The following TCF12 variants were observed in gnomAD, a reference collection of about 807,000 sequenced individuals.
TCF12 encodes the protein DNA-binding protein HTF4.
TCF12 carries 45 observed loss-of-function variants against 86.0 expected under a neutral mutation model. The ratio of observed to expected loss-of-function variants is 0.52; its 90% CI spans 0.41 to 0.67. TCF12 has a LOEUF of 0.67. TCF12 is among the 30% of genes least tolerant of loss of function. The pLI is 0.00. For synonymous variants in TCF12, 330 were observed against 299.6 expected (o/e 1.10, Z -1.05); for missense variants, 881 against 859.9 (o/e 1.02, Z -0.31).
intron 4 of TCF12, among the ~76,000 whole-genome samples, chr15:57,067,694 A>G (rs1328519588): frequency 6.6e-6 from 1 of 152,040 alleles, no homozygotes; most frequent in African/African-American, 2.4e-5. Flanking sequence ...CTTCCTCTCT[A>G]CTTTTGTTAG....
intron 4 of TCF12, among the ~76,000 whole-genome samples, chr15:57,085,272 A>G (rs1271860146): frequency 6.6e-6 from 1 of 152,218 alleles, no homozygotes; most frequent in African/African-American, 2.4e-5. Context: ...AAATGTATGG[A>G]CCTGGATGAC....
chr15:57,090,735 G>A (rs905808756), intron 4 of TCF12, among the ~76,000 whole-genome samples: 8 of 152,168 alleles, frequency 5.3e-5, no homozygotes, highest in African/African-American at 1.7e-4. Flanking sequence ...AGGTTTCTGT[G>A]AGCCAGGGTA....
intron 3 of TCF12, among the ~76,000 whole-genome samples, chr15:56,966,517 T>G (rs1238758580): frequency 6.6e-6 from 1 of 152,220 alleles, no homozygotes; most frequent in Non-Finnish European, 1.5e-5. Context: ...TTTGCTTTTC[T>G]TGTGGAGAAG....
At chr15:56,931,052 T>C (rs2060224343) in intron 3 of TCF12, among the ~76,000 whole-genome samples, 1 of 152,018 alleles carries the variant, frequency 6.6e-6, no homozygotes, top group African/African-American at 2.4e-5. Flanking sequence ...TCTCTCTCTC[T>C]CCTCCTCCTC....
intron 5 of TCF12, among the ~76,000 whole-genome samples, chr15:57,132,474 A>G (rs975261903): frequency 2.6e-5 from 4 of 152,176 alleles, no homozygotes; most frequent in Non-Finnish European, 4.4e-5. Context: ...AGGGTTGTCA[A>G]AGGGTCAATT....
intron 5 of TCF12, among the ~76,000 whole-genome samples, chr15:57,128,573 T>C (rs1159606353): frequency 6.6e-6 from 1 of 152,222 alleles, no homozygotes; most frequent in Non-Finnish European, 1.5e-5. Context: ...AATCACCCTT[T>C]TAAAGTATAC....
At chr15:57,206,885 G>A (rs1224365732) in intron 8 of TCF12, among the ~76,000 whole-genome samples, 4 of 142,708 alleles carry the variant, frequency 2.8e-5, no homozygotes, top group African/African-American at 7.8e-5. Flanking sequence ...GAGCCTAGAA[G>A]TTCAAGACCA....
intron 5 of TCF12, among the ~76,000 whole-genome samples, chr15:57,118,695 A>G (rs2051013210): frequency 6.6e-6 from 1 of 152,152 alleles, no homozygotes; most frequent in Admixed American, 6.5e-5. Context: ...AGTAGCCAGT[A>G]TATTTTCAGA....
Position 57,243,541 on chromosome 15 carries a change from C to T in TCF12, c.1105C>T (p.Pro369Ser). The T allele has an allele frequency of 6.2e-7, 1 of 1,613,648 alleles. No homozygotes were observed. Among genetic ancestry groups the T allele is most frequent in the Non-Finnish European group, 8.5e-7 (1 of 1,179,648 alleles). ...NPSTPVGSPS[P>S]LTGTSQWPRP... ...ATCAACACCAGTTGGATCACCTTCACCTCTCACAGGTAGGCTTCTGTTTTA... is the reference window on the plus strand; with the variant it reads ...ATCAACACCAGTTGGATCACCTTCATCTCTCACAGGTAGGCTTCTGTTTTA... The change falls in exon 13 of 21, where the codon CCT becomes TCT. Residue 369 changes from proline to serine, a missense_variant. Coordinates refer to ENST00000333725, the MANE Select transcript of TCF12 (RefSeq NM_207037.2).
intron 3 of TCF12, among the ~76,000 whole-genome samples, chr15:57,032,502 C>T (rs1409052981): frequency 2.6e-5 from 4 of 152,160 alleles, no homozygotes; most frequent in African/African-American, 9.7e-5. Context: ...AATCAGGGCT[C>T]GCAGCAGCCT....
intron 5 of TCF12, among the ~76,000 whole-genome samples, chr15:57,133,986 A>G (rs2052340753): frequency 6.6e-6 from 1 of 152,212 alleles, no homozygotes; most frequent in Admixed American, 6.5e-5. Context: ...TTCTGTGATC[A>G]TAATTGGATT....
At chr15:56,999,396 C>G (rs1439481650) in intron 3 of TCF12, among the ~76,000 whole-genome samples, 1 of 82,988 alleles carries the variant, frequency 1.2e-5, no homozygotes, top group East Asian at 3.6e-4. Context: ...ACATAAAAAA[C>G]TAGTATCAGC....
rs11302198 is a variant in TCF12, at chr15:57,225,857, ATT to A, written c.580-5286_580-5285del. ...GATTAATCAATTTATTTATTTATTC[ATT>A]TTTTTTTTCTTTTATTATACTTTAA... On this transcript the variant is annotated intron_variant, in intron 8 of 20. Transcript: ENST00000333725. Among the ~76,000 whole-genome samples the A allele has an allele frequency of 3.2e-3, 484 of 149,668 alleles. 3 individuals carry two copies. Among genetic ancestry groups the A allele is most frequent in the African/African-American group, 0.011 (454 of 40,854 alleles).
At chr15:57,219,789 G>A (rs913087112) in intron 8 of TCF12, among the ~76,000 whole-genome samples, 5 of 146,000 alleles carry the variant, frequency 3.4e-5, no homozygotes, top group African/African-American at 7.5e-5. Context: ...GCAGTGGCTC[G>A]ATCTCGGCTC....
Position 57,221,384 on chromosome 15 carries a change from GT to G in TCF12, c.580-9767del, listed in dbSNP as rs1243750076. On this transcript the variant is annotated intron_variant, in intron 8 of 20. Transcript: ENST00000333725. ...CATGGTATGTGGGTATGTGTGTGGGGTGTGTGTGTGTGTGTGTGTGTGTGTG... is the reference window on the plus strand; with the variant it reads ...CATGGTATGTGGGTATGTGTGTGGGGGTGTGTGTGTGTGTGTGTGTGTGTG... Among the ~76,000 whole-genome samples the G allele has an allele frequency of 0.024, 58 of 2,372 alleles. No homozygotes were observed. The South Asian group carries it at 0.38, about 15-fold the overall frequency. The allele number at this position is 2,372 out of a possible 152,430, so 1.6% of individuals were successfully genotyped here.
intron 3 of TCF12, among the ~76,000 whole-genome samples, chr15:56,971,583 G>T (rs532063579): frequency 1.3e-5 from 2 of 152,124 alleles, no homozygotes; most frequent in African/African-American, 4.8e-5. Context: ...CAGTTAGTTG[G>T]GGGGCTTAGA....
intron 5 of TCF12, among the ~76,000 whole-genome samples, chr15:57,112,928 TTAAC>T (rs1157786211): frequency 6.6e-6 from 1 of 152,204 alleles, no homozygotes; most frequent in Non-Finnish European, 1.5e-5. Context: ...CCAAACTCAT[TTAAC>T]TAAAACATGA....
chr15:57,289,870 T>C (rs1318121195), downstream of TCF12: 1 of 152,204 alleles, frequency 6.6e-6, no homozygotes, highest in Admixed American at 6.5e-5. Context: ...GGATGATTCC[T>C]CTTCAGCCAT....
intron 5 of TCF12, among the ~76,000 whole-genome samples, chr15:57,123,717 C>T (rs910013859): frequency 2.0e-5 from 3 of 151,520 alleles, no homozygotes; most frequent in South Asian, 2.1e-4. Context: ...TTTGGGAGGC[C>T]GAGGCGGGTG....
Sources: gnomAD v4.1 joint callset for allele counts (sites outside exome capture counted in the v4.1 genomes callset) on GRCh38, gnomAD v4.1.1 for gene constraint, MANE v1.5 for transcripts, NCBI Gene and HGNC (gene_info 2026-07-23, HGNC 2026-07-21) for gene names.